The following ASXL1 variants were observed in gnomAD, a reference collection of about 807,000 sequenced individuals.
ASXL1 encodes the protein polycomb group protein ASXL1.
A neutral mutation model predicts 89.1 loss-of-function variants in ASXL1; 65 were observed. That is an observed-to-expected ratio of 0.73 (90% CI 0.60 to 0.90). ASXL1 has a LOEUF of 0.90. Among genes scored for constraint, ASXL1 ranks in the 40% least tolerant of loss-of-function variants. The probability of loss-of-function intolerance (pLI) is 0.00; values close to 1 mark genes in which losing one functional copy is unlikely to be tolerated. For synonymous variants in ASXL1, 739 were observed against 746.9 expected, an observed-to-expected ratio of 0.99 and a Z score of 0.17; for missense variants, 1,786 against 1,942.9, an observed-to-expected ratio of 0.92 and a Z score of 1.52.
intron 4 of ASXL1, among the ~76,000 whole-genome samples, chr20:32,417,614 A>C (rs2049160128): frequency 6.6e-6 from 1 of 152,210 alleles, no homozygotes. Flanking sequence ...GATTTTCATG[A>C]GAAAATTAAA....
chr20:32,435,382 C>G lies in ASXL1; in HGVS notation c.2670C>G (p.Leu890=), dbSNP rs140299198. Residue 890 remains leucine (L), a synonymous_variant, in exon 13 of 13, where the codon CTC becomes CTG. Transcript: ENST00000375687. ...TRQENLKTKA[L]VSNSSLHWIP... is the part of the protein sequence containing the mutation. ...AAGAAAACTTGAAAACCAAGGCTCTCGTTTCTAACAGTTCTTTGCATTGGA... is the reference window on the plus strand; with the variant it reads ...AAGAAAACTTGAAAACCAAGGCTCTGGTTTCTAACAGTTCTTTGCATTGGA... The G allele has an allele frequency of 1.9e-6, 3 of 1,614,184 alleles. No homozygotes were observed. Among genetic ancestry groups the G allele is most frequent in the Non-Finnish European group, 2.5e-6 (3 of 1,180,026 alleles).
chr20:32,416,014 C>T (rs532420543), intron 4 of ASXL1, among the ~76,000 whole-genome samples: 103 of 152,208 alleles, frequency 6.8e-4, no homozygotes, highest in Non-Finnish European at 1.2e-3. Context: ...GATTCTATAT[C>T]GTAAAGATGT....
At chr20:32,387,675 C>G (rs1485640851) in intron 4 of ASXL1, among the ~76,000 whole-genome samples, 2 of 152,216 alleles carry the variant, frequency 1.3e-5, no homozygotes, top group Non-Finnish European at 2.9e-5. Context: ...GCATCTCCCT[C>G]TGCAACGCTT....
At chr20:32,406,889 TCTCTA>T (rs913443717) in intron 4 of ASXL1, among the ~76,000 whole-genome samples, 9 of 152,294 alleles carry the variant, frequency 5.9e-5, no homozygotes, top group African/African-American at 2.2e-4. Flanking sequence ...AGGCTCTGAC[TCTCTA>T]CTCTTGTCTA....
intron 4 of ASXL1, chr20:32,372,058 G>T: frequency 7.6e-7 from 1 of 1,311,564 alleles, no homozygotes; most frequent in Non-Finnish European, 1.0e-6. Context: ...TTAAGGGCAG[G>T]AACTGAGTTT....
At chr20:32,358,958 T>G in intron 1 of ASXL1, 126 bp downstream of exon 1, 1 of 1,034,604 alleles carries the variant, frequency 9.7e-7, no homozygotes, top group South Asian at 1.9e-5. Context: ...CCATCTTCCT[T>G]TAAGAACGGG....
chr20:32,401,349 C>A (rs1324172743), intron 4 of ASXL1, among the ~76,000 whole-genome samples: 2 of 152,172 alleles, frequency 1.3e-5, no homozygotes, highest in Non-Finnish European at 2.9e-5. Flanking sequence ...CCTCCACCAC[C>A]AATCAACCAA....
intron 4 of ASXL1, among the ~76,000 whole-genome samples, chr20:32,376,269 TTTGTG>T (rs995602004): frequency 3.9e-5 from 6 of 151,968 alleles, no homozygotes; most frequent in East Asian, 1.9e-4. Context: ...TTAATTTTAT[TTTGTG>T]TTGTGTTGTG....
chr20:32,429,855 G>A lies in ASXL1; in HGVS notation c.566-46G>A, dbSNP rs1452532408. On this transcript the variant is annotated intron_variant, in intron 7 of 12. Transcript: ENST00000375687. This position sits in a 1 kb window ranked among gnomAD's most constrained non-coding sequence, Gnocchi z 4.9. ...AAATGAGCTTGTCTGAGAGCCATGG[G>A]CGCGGCTTGGTGATACTTTTGACCA... is the stretch of plus-strand genomic sequence containing the variant. 1.2e-6 allele frequency: 2 copies of A among 1,600,018 alleles called. No individual in the cohort carries two copies. The highest frequency in any genetic ancestry group is 2.7e-5 in the African/African-American group (2 of 74,792).
rs1452971521 is a variant in ASXL1, at chr20:32,437,665, A to G, written c.*327A>G. 4.6e-6 allele frequency: 2 copies of G among 434,942 alleles called. No individual in the cohort carries two copies. Among genetic ancestry groups the G allele is most frequent in the Admixed American group, 7.7e-5 (2 of 26,142 alleles). 26.9% of individuals were successfully genotyped at this position (434,942 alleles called of 1,614,324 possible). On this transcript the variant is annotated 3_prime_UTR_variant, in exon 13 of 13. Coordinates refer to ENST00000375687, the MANE Select transcript of ASXL1 (RefSeq NM_015338.6). ...CCCAGAGGGACTTGAAACTGAAGCA[A>G]GAAGGTTGCATTCTCCACCAAGGGA...
At chr20:32,392,325 C>T (rs2048686909) in intron 4 of ASXL1, among the ~76,000 whole-genome samples, 1 of 150,638 alleles carries the variant, frequency 6.6e-6, no homozygotes, top group South Asian at 2.1e-4. Flanking sequence ...TCTTGTTGCC[C>T]ACTCTGGAGT....
chr20:32,379,825 CAAAA>C (rs558887033), intron 4 of ASXL1, among the ~76,000 whole-genome samples: 1 of 65,152 alleles, frequency 1.5e-5, no homozygotes, highest in African/African-American at 4.6e-5. Flanking sequence ...GACTGCGTCT[CAAAA>C]AAAGAAAAAA....
intron 4 of ASXL1, among the ~76,000 whole-genome samples, chr20:32,389,240 G>T (rs1477153489): frequency 1.3e-5 from 2 of 152,034 alleles, no homozygotes; most frequent in Non-Finnish European, 2.9e-5. Context: ...TCTCTGATTT[G>T]CTGCTTTTGC....
chr20:32,359,563 C>T (rs145421518), intron 1 of ASXL1: 314 of 656,572 alleles, frequency 4.8e-4, no homozygotes, highest in Middle Eastern at 7.4e-4. Context: ...CTTTGAGAAA[C>T]GCAGACTGGG....
Position 32,431,567 on chromosome 20 carries a change from C to A in ASXL1, c.883-16C>A, listed in dbSNP as rs1455198862. The A allele has an allele frequency of 6.2e-7, 1 of 1,614,060 alleles. No homozygotes were observed. Among genetic ancestry groups the A allele is most frequent in the Non-Finnish European group, 8.5e-7 (1 of 1,180,000 alleles). On this transcript the variant is annotated splice_polypyrimidine_tract_variant and intron_variant, in intron 9 of 12. Transcript: ENST00000375687. ...AGTTTATTTATTAGGATTTTTTTCC[C>A]CCTTGATCCTTCTAGGTGGGGACGG...
intron 4 of ASXL1, among the ~76,000 whole-genome samples, chr20:32,395,395 C>A (rs952274362): frequency 6.6e-6 from 1 of 152,058 alleles, no homozygotes; most frequent in Non-Finnish European, 1.5e-5. Flanking sequence ...TGTTCTTCAG[C>A]GAGCAAATTT....
intron 4 of ASXL1, among the ~76,000 whole-genome samples, chr20:32,423,460 G>A (rs990678875): frequency 6.6e-6 from 1 of 151,818 alleles, no homozygotes. Flanking sequence ...GGCTGGTCTC[G>A]AACTCCCAGC....
intron 6 of ASXL1, chr20:32,428,652 CTTTTTTTTTTTTT>C (rs35966674): frequency 6.8e-5 from 10 of 147,934 alleles, no homozygotes; most frequent in East Asian, 1.8e-4. Flanking sequence ...TTTGTTCATT[CTTTTTTTTTTTTT>C]TTTTTTTTTT....
intron 4 of ASXL1, among the ~76,000 whole-genome samples, chr20:32,407,540 G>A (rs1009840536): frequency 7.9e-5 from 12 of 152,246 alleles, no homozygotes; most frequent in South Asian, 4.1e-4. Flanking sequence ...ACAACTCACC[G>A]CAGCCTCAAC....
Sources: allele counts gnomAD v4.1 joint callset (sites outside exome capture counted in the v4.1 genomes callset), GRCh38; gene constraint gnomAD v4.1.1; non-coding constraint Gnocchi (gnomAD v3.1); transcripts MANE v1.5; gene names NCBI Gene and HGNC (gene_info 2026-07-23, HGNC 2026-07-21).